Variants in PBX3 observed in about 807,000 individuals in gnomAD.
PBX3 encodes the protein PBX homeobox 3.
Under a neutral mutation model 48.5 loss-of-function variants are expected in PBX3, and 14 were observed. The observed-to-expected ratio is 0.29, with a 90% CI of 0.19 to 0.45. PBX3 has a LOEUF of 0.45. Ranked by LOEUF, PBX3 falls within the 20% of genes least tolerant of loss-of-function variation. The pLI, the probability that PBX3 is intolerant of heterozygous loss-of-function variation, is 1.00. For missense variants in PBX3, 386 were observed against 546.7 expected, an observed-to-expected ratio of 0.71 and a Z score of 2.93; for synonymous variants, 210 against 200.3, an observed-to-expected ratio of 1.05 and a Z score of -0.41.
At chr9:125,848,093 T>C (rs73667096) in intron 2 of PBX3, among the ~76,000 whole-genome samples, 4,067 of 152,098 alleles carry the variant, frequency 0.027, 212 homozygotes, top group African/African-American at 0.092. Context: ...CGTGACTTAC[T>C]TTGTGTGAAA....
intron 2 of PBX3, among the ~76,000 whole-genome samples, chr9:125,752,639 GCTTCT>G (rs1186609791): frequency 6.6e-6 from 1 of 151,962 alleles, no homozygotes; most frequent in Non-Finnish European, 1.5e-5. Context: ...TTTTTGGTGT[GCTTCT>G]CTTTTTAAGG....
chr9:125,810,227 G>C (rs1170662613), intron 2 of PBX3, among the ~76,000 whole-genome samples: 2 of 152,078 alleles, frequency 1.3e-5, no homozygotes, highest in African/African-American at 4.8e-5. Context: ...GTTTCTCAAA[G>C]CAAGCACTCT....
chr9:125,778,083 C>T (rs990580347), intron 2 of PBX3, among the ~76,000 whole-genome samples: 1 of 151,570 alleles, frequency 6.6e-6, no homozygotes, highest in African/African-American at 2.4e-5. Context: ...GCCTCAGCCT[C>T]CCAAGTAGCT....
chr9:125,909,863 C>T lies in PBX3; in HGVS notation c.275-5823C>T, dbSNP rs144960696. On this transcript the variant is annotated intron_variant, in intron 2 of 8. Transcript: ENST00000373489. ...ATTATAGCATCTAGCTGCTTTCCATCGAACCCCTAATAAAGGTCATTAGCT... is the reference window on the plus strand; with the variant it reads ...ATTATAGCATCTAGCTGCTTTCCATTGAACCCCTAATAAAGGTCATTAGCT... 1.7e-3 allele frequency among the ~76,000 whole-genome samples: 258 copies of T among 152,242 alleles called. 1 individual carries two copies. Among genetic ancestry groups the T allele is most frequent in the Non-Finnish European group, 3.1e-3 (213 of 68,004 alleles).
intron 5 of PBX3, among the ~76,000 whole-genome samples, chr9:125,945,908 G>A (rs544101833): frequency 1.3e-5 from 2 of 152,304 alleles, no homozygotes; most frequent in Admixed American, 6.5e-5. Context: ...CAGGGAACCT[G>A]CAGATAATAA....
intron 2 of PBX3, among the ~76,000 whole-genome samples, chr9:125,879,392 A>G (rs1840331434): frequency 6.6e-6 from 1 of 152,148 alleles, no homozygotes; most frequent in Non-Finnish European, 1.5e-5. Context: ...AAGACATGCT[A>G]TTCTTTATTA....
chr9:125,953,029 A>G (rs1399782214), intron 5 of PBX3, among the ~76,000 whole-genome samples: 2 of 152,132 alleles, frequency 1.3e-5, no homozygotes, highest in Non-Finnish European at 2.9e-5. Flanking sequence ...AAAGAAAAAA[A>G]TGCCCTTTCT....
chr9:125,793,171 T>C (rs1215247252), intron 2 of PBX3, among the ~76,000 whole-genome samples: 1 of 150,290 alleles, frequency 6.7e-6, no homozygotes, highest in African/African-American at 2.4e-5. Context: ...GCTAACACGG[T>C]GGAACCCTGT....
intron 2 of PBX3, among the ~76,000 whole-genome samples, chr9:125,773,972 C>T (rs1381111828): frequency 2.0e-5 from 3 of 152,178 alleles, no homozygotes; most frequent in African/African-American, 7.2e-5. Context: ...TTTTCATCCC[C>T]TCTAAAGAAA....
At chr9:125,948,056 G>T (rs894540021) in intron 5 of PBX3, among the ~76,000 whole-genome samples, 3 of 152,194 alleles carry the variant, frequency 2.0e-5, no homozygotes, top group African/African-American at 7.2e-5. Context: ...ACATAAATAA[G>T]AATGATCTGG....
chr9:125,807,215 T>C (rs1838150867), intron 2 of PBX3, among the ~76,000 whole-genome samples: 1 of 152,016 alleles, frequency 6.6e-6, no homozygotes, highest in African/African-American at 2.4e-5. Context: ...TCCTAGCTAC[T>C]TGAAAGGCTG....
chr9:125,866,691 A>G (rs1839990119), intron 2 of PBX3, among the ~76,000 whole-genome samples: 1 of 152,228 alleles, frequency 6.6e-6, no homozygotes, highest in African/African-American at 2.4e-5. Context: ...TCTAGCTAAC[A>G]GGGCTATCCT....
intron 3 of PBX3, among the ~76,000 whole-genome samples, chr9:125,924,448 TTTTTTGATATTACACCAAAACTTGACAA>T (rs1319552953): frequency 6.6e-6 from 1 of 152,214 alleles, no homozygotes; most frequent in Non-Finnish European, 1.5e-5. Flanking sequence ...GTGAATACTA[TTTTTTGATATTACACCAAAACTTGACAA>T]GTTATAGTTT....
At chr9:125,784,483 G>A (rs1032207716) in intron 2 of PBX3, among the ~76,000 whole-genome samples, 1 of 152,120 alleles carries the variant, frequency 6.6e-6, no homozygotes, top group Non-Finnish European at 1.5e-5. Context: ...TTAATGTGGT[G>A]GTAACTCTGG....
At chr9:125,789,692 A>G (rs539529635) in intron 2 of PBX3, among the ~76,000 whole-genome samples, 3 of 152,248 alleles carry the variant, frequency 2.0e-5, no homozygotes, top group East Asian at 3.9e-4. Flanking sequence ...AGGCTACTAC[A>G]TAGGGTGTGA....
chr9:125,837,502 A>T (rs543752932), intron 2 of PBX3, among the ~76,000 whole-genome samples: 1 of 151,850 alleles, frequency 6.6e-6, no homozygotes, highest in South Asian at 2.1e-4. Flanking sequence ...TAGGAAAGAG[A>T]CTTAAAAATG....
chr9:125,758,896 CAT>C (rs1271430039), intron 2 of PBX3, among the ~76,000 whole-genome samples: 2 of 152,068 alleles, frequency 1.3e-5, no homozygotes, highest in Middle Eastern at 3.4e-3. Context: ...ATGCTGATGA[CAT>C]ATTATTTCTT....
intron 2 of PBX3, among the ~76,000 whole-genome samples, chr9:125,868,501 C>G (rs1840041988): frequency 6.6e-6 from 1 of 152,038 alleles, no homozygotes; most frequent in African/African-American, 2.4e-5. Flanking sequence ...ATAATGTGGG[C>G]CAGAAGAAAG....
intron 2 of PBX3, among the ~76,000 whole-genome samples, chr9:125,874,724 C>T (rs561899393): frequency 6.6e-6 from 1 of 152,238 alleles, no homozygotes; most frequent in African/African-American, 2.4e-5. Flanking sequence ...CAGAAACTCT[C>T]ATGTATTGCC....
Sources: gnomAD v4.1 joint callset for allele counts (sites outside exome capture counted in the v4.1 genomes callset) on GRCh38, gnomAD v4.1.1 for gene constraint, MANE v1.5 for transcripts, NCBI Gene and HGNC (gene_info 2026-07-23, HGNC 2026-07-21) for gene names.